Variants in ARHGEF3 observed in about 807,000 individuals in gnomAD.
The protein encoded by ARHGEF3 is 59.8 kDA protein.
ARHGEF3 carries 28 observed loss-of-function variants against 63.2 expected under a neutral mutation model. The observed-to-expected ratio is 0.44, with a 90% CI of 0.33 to 0.61. ARHGEF3 has a LOEUF of 0.61. ARHGEF3 is among the 20% of genes least tolerant of loss of function. The pLI is 0.03. For synonymous variants in ARHGEF3, 266 were observed against 254.2 expected, an observed-to-expected ratio of 1.05 and a Z score of -0.44; for missense variants, 533 against 659.3, an observed-to-expected ratio of 0.81 and a Z score of 2.10.
At chr3:56,925,056 C>T (rs1457988198) in intron 3 of ARHGEF3, among the ~76,000 whole-genome samples, 2 of 152,240 alleles carry the variant, frequency 1.3e-5, no homozygotes, top group Non-Finnish European at 2.9e-5. Flanking sequence ...TGCTTCCCAG[C>T]CTCCCTTGCA....
At chr3:56,813,500 G>A (rs1351259103) in intron 4 of ARHGEF3, among the ~76,000 whole-genome samples, 3 of 152,100 alleles carry the variant, frequency 2.0e-5, no homozygotes, top group Non-Finnish European at 4.4e-5. Flanking sequence ...CCGTGTTATC[G>A]AAAAGATCTG....
intron 2 of ARHGEF3, among the ~76,000 whole-genome samples, chr3:57,022,169 G>A (rs190025960): frequency 6.6e-6 from 1 of 152,236 alleles, no homozygotes; most frequent in Admixed American, 6.5e-5. Flanking sequence ...AGCTACTCTA[G>A]AGGCTGAGTC....
intron 2 of ARHGEF3, among the ~76,000 whole-genome samples, chr3:56,773,089 G>T (rs2107837914): frequency 6.6e-6 from 1 of 152,142 alleles, no homozygotes; most frequent in East Asian, 1.9e-4. Context: ...TGGGCAATAT[G>T]GTCTCTGTCA....
Position 57,016,502 on chromosome 3 carries a change from C to T in ARHGEF3, c.62+18586G>A, listed in dbSNP as rs150449592. 3.9e-5 allele frequency among the ~76,000 whole-genome samples: 6 copies of T among 152,034 alleles called. No homozygotes were observed. The East Asian group carries it at 9.7e-4, about 24-fold the overall frequency. ...GGCGGAGGATCCAGAGAGCTGAGAT[C>T]GCACCACCGCACTCCAGCCTGGGCA... On this transcript the variant is annotated intron_variant, in intron 2 of 12. Transcript: ENST00000338458.
chr3:56,856,526 T>C (rs1372484340), intron 4 of ARHGEF3, among the ~76,000 whole-genome samples: 1 of 152,068 alleles, frequency 6.6e-6, no homozygotes, highest in Non-Finnish European at 1.5e-5. Flanking sequence ...GGCTTGATTC[T>C]CCTTGGGTCC....
intron 4 of ARHGEF3, among the ~76,000 whole-genome samples, chr3:56,855,726 C>T (rs1008195543): frequency 8.6e-5 from 13 of 151,730 alleles, no homozygotes; most frequent in African/African-American, 3.1e-4. Flanking sequence ...CCCTCCTTCT[C>T]CACTCTCCTA....
At chr3:56,791,293 G>C (rs7429828) in intron 1 of ARHGEF3, among the ~76,000 whole-genome samples, 2 of 152,006 alleles carry the variant, frequency 1.3e-5, no homozygotes, top group Non-Finnish European at 1.5e-5. Flanking sequence ...CACGCCTGTA[G>C]TCCTAGCTGT....
intron 2 of ARHGEF3, among the ~76,000 whole-genome samples, chr3:56,987,616 T>G (rs1342900406): frequency 6.6e-6 from 1 of 152,148 alleles, no homozygotes; most frequent in African/African-American, 2.4e-5. Context: ...TGAGAGCTTC[T>G]CAGCAGCAGA....
At position 56,729,615 on chromosome 3, in the gene ARHGEF3, G is replaced by A. The variant is rs752658073; in HGVS notation, c.1236C>T (p.Asn412=). 6.3e-7 allele frequency: 1 copy of A among 1,596,882 alleles called. No individual in the cohort carries two copies. The highest frequency in any genetic ancestry group is 8.5e-7 in the Non-Finnish European group (1 of 1,170,286). The change falls in exon 10 of 10, where the codon AAC becomes AAT. Residue 412 remains asparagine, a synonymous_variant. Transcript: ENST00000296315. ...CATTTTTGAAACTGACTCTGAAGAA[G>A]TTTTTAACTAGAAAGGAAAAACACA... ...GAFSNNERIK[N]FFRVSFKNGS...
chr3:56,883,302 CTTTT>C (rs112313795), intron 3 of ARHGEF3, among the ~76,000 whole-genome samples: 6 of 141,038 alleles, frequency 4.3e-5, no homozygotes, highest in Admixed American at 7.1e-5. Context: ...GTATGTTTTT[CTTTT>C]TTTTTTTTTT....
At chr3:56,988,704 G>A (rs891413499) in intron 2 of ARHGEF3, among the ~76,000 whole-genome samples, 6 of 152,282 alleles carry the variant, frequency 3.9e-5, no homozygotes, top group Middle Eastern at 3.4e-3. Flanking sequence ...TTGTACCAAA[G>A]GGAGGCAGGG....
chr3:57,022,787 C>T (rs537048718), intron 2 of ARHGEF3, among the ~76,000 whole-genome samples: 2 of 152,130 alleles, frequency 1.3e-5, no homozygotes, highest in East Asian at 3.9e-4. Context: ...AGACATGACT[C>T]GCAGTAGCAG....
chr3:56,847,392 A>G (rs2108131726), intron 4 of ARHGEF3, among the ~76,000 whole-genome samples: 1 of 152,250 alleles, frequency 6.6e-6, no homozygotes, highest in East Asian at 1.9e-4. Flanking sequence ...TTTTTGGCCA[A>G]CTGTGCTGTA....
intron 2 of ARHGEF3, among the ~76,000 whole-genome samples, chr3:56,967,915 A>AAT (rs1700652868): frequency 2.8e-5 from 2 of 72,312 alleles, no homozygotes; most frequent in African/African-American, 1.1e-4. Flanking sequence ...TATTATATAT[A>AAT]ATATATTATA....
intron 2 of ARHGEF3, among the ~76,000 whole-genome samples, chr3:57,014,826 G>A (rs1178334138): frequency 3.3e-5 from 5 of 151,720 alleles, no homozygotes; most frequent in South Asian, 4.1e-4. Context: ...GACTACAGGC[G>A]CCCGCCACTG....
At chr3:56,900,950 AC>A (rs1442103205) in intron 3 of ARHGEF3, among the ~76,000 whole-genome samples, 1 of 152,134 alleles carries the variant, frequency 6.6e-6, no homozygotes, top group Non-Finnish European at 1.5e-5. Flanking sequence ...GGCCCAGGTG[AC>A]CTCTAAAGTT....
intron 1 of ARHGEF3, among the ~76,000 whole-genome samples, chr3:57,069,084 G>A (rs1286964290): frequency 6.6e-6 from 1 of 151,912 alleles, no homozygotes; most frequent in Non-Finnish European, 1.5e-5. Context: ...CACCACGTCT[G>A]GATAATTTTT....
At chr3:56,893,363 G>A (rs2041186870) in intron 3 of ARHGEF3, among the ~76,000 whole-genome samples, 1 of 152,134 alleles carries the variant, frequency 6.6e-6, no homozygotes, top group African/African-American at 2.4e-5. Context: ...CTGTTATGTA[G>A]AGATAGGATC....
chr3:57,040,029 A>G (rs1704113373), intron 1 of ARHGEF3, among the ~76,000 whole-genome samples: 1 of 152,224 alleles, frequency 6.6e-6, no homozygotes, highest in Admixed American at 6.5e-5. Context: ...ATGCTTATCA[A>G]CAATAGAATG....
Sources: allele counts gnomAD v4.1 joint callset (sites outside exome capture counted in the v4.1 genomes callset), GRCh38; gene constraint gnomAD v4.1.1; transcripts MANE v1.5; gene names NCBI Gene and HGNC (gene_info 2026-07-23, HGNC 2026-07-21).